Variants in EPB41L4A observed in about 807,000 individuals in gnomAD.
EPB41L4A encodes erythrocyte membrane protein band 4.1 like 4A.
In EPB41L4A, 100 loss-of-function variants were observed where a neutral mutation model predicts 108.6. The ratio of observed to expected loss-of-function variants is 0.92; its 90% CI spans 0.78 to 1.09. The LOEUF (loss-of-function observed/expected upper bound fraction) is 1.09. Among genes scored for constraint, EPB41L4A ranks in the 50% least tolerant of loss-of-function variants. The pLI is 0.00. For synonymous variants in EPB41L4A, 319 were observed against 289.0 expected, an observed-to-expected ratio of 1.10 and a Z score of -1.05; for missense variants, 1,030 against 842.7, an observed-to-expected ratio of 1.22 and a Z score of -2.75.
intron 1 of EPB41L4A, among the ~76,000 whole-genome samples, chr5:112,394,387 C>A (rs914958347): frequency 6.6e-6 from 1 of 152,166 alleles, no homozygotes; most frequent in Admixed American, 6.5e-5. Context: ...GCAACTTCAG[C>A]AAAGTCTCAG....
At chr5:112,309,393 T>C (rs1393349254) in intron 1 of EPB41L4A, among the ~76,000 whole-genome samples, 1 of 152,192 alleles carries the variant, frequency 6.6e-6, no homozygotes, top group Admixed American at 6.5e-5. Context: ...GCTACCCAAT[T>C]GAATAAACAA....
chr5:112,173,961 C>A (rs1443973596), intron 18 of EPB41L4A, among the ~76,000 whole-genome samples: 2 of 152,222 alleles, frequency 1.3e-5, no homozygotes, highest in African/African-American at 2.4e-5. Context: ...TTATCTTAAT[C>A]TGAACGAGAT....
At chr5:112,144,226 C>G (rs1759167227) in intron 13 of EPB41L4A, among the ~76,000 whole-genome samples, 1 of 152,098 alleles carries the variant, frequency 6.6e-6, no homozygotes, top group Admixed American at 6.6e-5. Context: ...ATTCTTTTAC[C>G]AACATACAAA....
chr5:112,348,546 C>A (rs1360974738), intron 1 of EPB41L4A, among the ~76,000 whole-genome samples: 1 of 152,136 alleles, frequency 6.6e-6, no homozygotes, highest in African/African-American at 2.4e-5. Flanking sequence ...CTGAATCACA[C>A]TGCAGGGGAA....
At chr5:112,276,114 T>G (rs1752617360) in intron 3 of EPB41L4A, among the ~76,000 whole-genome samples, 1 of 152,214 alleles carries the variant, frequency 6.6e-6, no homozygotes, top group African/African-American at 2.4e-5. Context: ...ACTCTTACCT[T>G]TTTTTACAGG....
At chr5:112,187,047 G>A (rs1274973238) in intron 17 of EPB41L4A, among the ~76,000 whole-genome samples, 3 of 151,986 alleles carry the variant, frequency 2.0e-5, no homozygotes, top group South Asian at 2.1e-4. Flanking sequence ...TTTTAATCTC[G>A]ATGTATAGAT....
intron 12 of EPB41L4A, among the ~76,000 whole-genome samples, chr5:112,210,439 T>C (rs1561478352): frequency 6.6e-6 from 1 of 152,134 alleles, no homozygotes; most frequent in Non-Finnish European, 1.5e-5. Flanking sequence ...CAACTCATAA[T>C]GCAGCTGTCA....
At chr5:112,205,823 T>G (rs1229829163) in intron 13 of EPB41L4A, among the ~76,000 whole-genome samples, 1 of 151,966 alleles carries the variant, frequency 6.6e-6, no homozygotes, top group Non-Finnish European at 1.5e-5. Context: ...GCCAAGAAAA[T>G]AAGAAAGCCA....
At chr5:112,380,256 C>G (rs1395612572) in intron 1 of EPB41L4A, among the ~76,000 whole-genome samples, 1 of 152,164 alleles carries the variant, frequency 6.6e-6, no homozygotes, top group East Asian at 1.9e-4. Context: ...AAACAAGGAT[C>G]AGAGAGAAAA....
intron 22 of EPB41L4A, among the ~76,000 whole-genome samples, chr5:112,167,217 C>T (rs546474343): frequency 6.6e-4 from 99 of 150,672 alleles, no homozygotes; most frequent in African/African-American, 2.4e-3. Context: ...AAAATTGAGG[C>T]TTAGAAGTTT....
chr5:112,408,143 A>G (rs1275158182), intron 1 of EPB41L4A, among the ~76,000 whole-genome samples: 1 of 152,194 alleles, frequency 6.6e-6, no homozygotes, highest in Non-Finnish European at 1.5e-5. Flanking sequence ...TAAGGGTGCC[A>G]AGACAATTCA....
At chr5:112,209,399 A>C (rs1762622118) in intron 13 of EPB41L4A, among the ~76,000 whole-genome samples, 1 of 152,252 alleles carries the variant, frequency 6.6e-6, no homozygotes, top group Non-Finnish European at 1.5e-5. Flanking sequence ...CCCCCTGGGA[A>C]AGCAGATGCA....
At chr5:112,406,304 G>C (rs1438626367) in intron 1 of EPB41L4A, among the ~76,000 whole-genome samples, 1 of 152,184 alleles carries the variant, frequency 6.6e-6, no homozygotes, top group Non-Finnish European at 1.5e-5. Context: ...CAGGCAATAA[G>C]AAGAGTCACT....
At chr5:112,184,735 T>C (rs1761338287) in intron 17 of EPB41L4A, among the ~76,000 whole-genome samples, 1 of 152,126 alleles carries the variant, frequency 6.6e-6, no homozygotes. Context: ...ATGCTGGATG[T>C]GGGCAGGGAA....
chr5:112,273,693 G>C (rs1481412028), intron 4 of EPB41L4A, among the ~76,000 whole-genome samples: 1 of 152,170 alleles, frequency 6.6e-6, no homozygotes, highest in African/African-American at 2.4e-5. Context: ...GGCACAGGCA[G>C]AGATTACTCA....
intron 18 of EPB41L4A, 55 bp downstream of exon 18, chr5:112,183,961 C>G: frequency 6.2e-7 from 1 of 1,606,972 alleles, no homozygotes. Context: ...TGAATATCCA[C>G]ATGCTACTTC....
intron 1 of EPB41L4A, among the ~76,000 whole-genome samples, chr5:112,332,656 T>G (rs1756640445): frequency 2.0e-5 from 3 of 152,186 alleles, no homozygotes; most frequent in Non-Finnish European, 4.4e-5. Flanking sequence ...GCCTTATATT[T>G]GACTGACACC....
chr5:112,370,780 T>G (rs982376301), intron 1 of EPB41L4A, among the ~76,000 whole-genome samples: 3 of 152,122 alleles, frequency 2.0e-5, no homozygotes, highest in African/African-American at 7.2e-5. Context: ...CCAGGCATGG[T>G]GGCACATGCC....
At chr5:112,170,232 G>A in intron 20 of EPB41L4A, 69 bp downstream of exon 20, 1 of 1,439,338 alleles carries the variant, frequency 6.9e-7, no homozygotes. Context: ...GAACACAATT[G>A]AAGAATTAGA....
Sources: gnomAD v4.1 joint callset for allele counts (sites outside exome capture counted in the v4.1 genomes callset) on GRCh38, gnomAD v4.1.1 for gene constraint, MANE v1.5 for transcripts, NCBI Gene and HGNC (gene_info 2026-07-23, HGNC 2026-07-21) for gene names.